The following FLYWCH1 variants were observed in gnomAD, a reference collection of about 807,000 sequenced individuals.
FLYWCH1 encodes the protein FLYWCH-type zinc finger 1.
A neutral mutation model predicts 66.4 loss-of-function variants in FLYWCH1; 75 were observed. The observed-to-expected ratio is 1.13, with a 90% CI of 0.94 to 1.37. The LOEUF is 1.37. Ranked by LOEUF, FLYWCH1 falls within the 40% of genes most tolerant of loss-of-function variation. FLYWCH1 has a pLI of 0.00. For synonymous variants in FLYWCH1, 595 were observed against 429.9 expected (o/e 1.38, Z -4.75); for missense variants, 1,334 against 1,001.8 (o/e 1.33, Z -4.48).
chr16:2,939,424 C>T (rs2071165361), intron 8 of FLYWCH1, among the ~76,000 whole-genome samples: 1 of 146,710 alleles, frequency 6.8e-6, no homozygotes, highest in Non-Finnish European at 1.5e-5. Flanking sequence ...CCACTGCCCT[C>T]CAGCCTGGGC....
chr16:2,948,166 C>T (rs934270495), intron 9 of FLYWCH1, among the ~76,000 whole-genome samples: 6 of 152,112 alleles, frequency 3.9e-5, no homozygotes, highest in Non-Finnish European at 7.4e-5. Flanking sequence ...GTGGTTCTCC[C>T]CCAAACATGC....
intron 9 of FLYWCH1, among the ~76,000 whole-genome samples, chr16:2,947,422 C>CAAT (rs397735821): frequency 6.6e-6 from 1 of 151,852 alleles, no homozygotes; most frequent in African/African-American, 2.4e-5. Context: ...GTACACTTAA[C>CAAT]GGATTTTATG....
At chr16:2,931,498 C>G (rs1031745814) in intron 4 of FLYWCH1, among the ~76,000 whole-genome samples, 2 of 150,956 alleles carry the variant, frequency 1.3e-5, no homozygotes, top group Non-Finnish European at 2.9e-5. Flanking sequence ...TGCCTGTGGT[C>G]TCAGCCACTT....
Position 2,933,407 on chromosome 16 carries a change from T to A in FLYWCH1, c.1074T>A (p.Pro358=). 1 of 1,601,662 alleles carries A rather than the reference T, an allele frequency of 6.2e-7. No homozygotes were observed. Among genetic ancestry groups the A allele is most frequent in the Non-Finnish European group, 8.5e-7 (1 of 1,174,926 alleles). The part of the protein sequence containing the change: ...VETLQAGQDG[P]GSQVDTLLRG... ...CGCTGCAGGCTGGGCAGGACGGCCC[T>A]GGGAGCCAAGTGGACACGCTGCTCC... The change falls in exon 5 of 10, where the codon CCT becomes CCA. Residue 358 remains proline (P), a synonymous_variant. Transcript: ENST00000253928.
Position 2,940,061 on chromosome 16 carries a change from A to T in FLYWCH1, c.2080A>T (p.Thr694Ser), listed in dbSNP as rs200567618. 5,869 of 1,548,690 alleles carry T rather than the reference A, an allele frequency of 3.8e-3. 136 individuals carry two copies. The South Asian group carries it at 0.041, about 11-fold the overall frequency. ...GATTCAAGTTCAGCTGTGCTTCAAG[A>T]CGTGTTCTCCTGAAAGCCAGCAGAT... ...EKIQVQLCFK[T>S]CSPESQQIYG... Residue 694 changes from threonine (T) to serine (S), a missense_variant, in exon 9 of 10, where the codon ACG becomes TCG. Coordinates refer to ENST00000253928, the MANE Select transcript of FLYWCH1 (RefSeq NM_001308068.2).
chr16:2,925,590 C>T (rs1176618006), intron 2 of FLYWCH1, among the ~76,000 whole-genome samples: 1 of 107,336 alleles, frequency 9.3e-6, no homozygotes, highest in Admixed American at 1.0e-4. Context: ...GAGGGGGGTA[C>T]GGGGCTTTCC....
intron 9 of FLYWCH1, among the ~76,000 whole-genome samples, chr16:2,945,075 C>G (rs896697320): frequency 6.6e-5 from 10 of 151,680 alleles, no homozygotes; most frequent in African/African-American, 2.4e-4. Flanking sequence ...CTTGGCCGGG[C>G]ATGGTGGCTC....
At chr16:2,934,411 T>G (rs2070910375) in intron 6 of FLYWCH1, among the ~76,000 whole-genome samples, 2 of 152,210 alleles carry the variant, frequency 1.3e-5, no homozygotes. Context: ...CGGCCCGCTG[T>G]TCCATAGACA....
intron 9 of FLYWCH1, among the ~76,000 whole-genome samples, chr16:2,941,888 G>A (rs969955293): frequency 4.0e-5 from 6 of 150,604 alleles, no homozygotes; most frequent in Admixed American, 2.0e-4. Flanking sequence ...AGGCGTGGTG[G>A]TGGGAGCCTG....
At chr16:2,932,059 C>T (rs1295914165) in intron 4 of FLYWCH1, among the ~76,000 whole-genome samples, 5 of 142,436 alleles carry the variant, frequency 3.5e-5, no homozygotes, top group African/African-American at 1.3e-4. Flanking sequence ...CGGAGCTTGC[C>T]GTGGGCCAAG....
At chr16:2,939,791 T>C (rs1021054437) in intron 8 of FLYWCH1, 20 of 429,742 alleles carry the variant, frequency 4.7e-5, no homozygotes, top group Non-Finnish European at 7.5e-5. Flanking sequence ...CCTTTCATCT[T>C]TGATGTCTAG....
chr16:2,925,428 G>A (rs1319240107), intron 2 of FLYWCH1, among the ~76,000 whole-genome samples: 2 of 142,678 alleles, frequency 1.4e-5, no homozygotes, highest in African/African-American at 2.5e-5. Context: ...GGTCCCACCC[G>A]GTCCCACCCA....
chr16:2,938,014 G>A lies in FLYWCH1; in HGVS notation c.1778-170G>A, dbSNP rs185366836. Among the ~76,000 whole-genome samples, 296 of 152,318 alleles carry A rather than the reference G, an allele frequency of 1.9e-3. 1 individual carries two copies. The highest frequency in any genetic ancestry group is 6.5e-3 in the African/African-American group (272 of 41,572). Reference sequence around the variant, plus strand: ...GAGCCCTTGGAAAGGGCCAGCCAGCGTGGGAGTCTGGGCTGCAGGGCCCAG... The same window carrying A: ...GAGCCCTTGGAAAGGGCCAGCCAGCATGGGAGTCTGGGCTGCAGGGCCCAG... On this transcript the variant is annotated intron_variant, in intron 7 of 9. Coordinates refer to ENST00000253928, the MANE Select transcript of FLYWCH1 (RefSeq NM_001308068.2).
At chr16:2,943,723 G>C (rs141979992) in intron 9 of FLYWCH1, 3 of 152,122 alleles carry the variant, frequency 2.0e-5, no homozygotes, top group Admixed American at 2.0e-4. Flanking sequence ...ATGACCTGAG[G>C]TCAGGCGTTC....
At chr16:2,934,696 C>T (rs1168764621) in intron 6 of FLYWCH1, 1 of 455,988 alleles carries the variant, frequency 2.2e-6, no homozygotes. Flanking sequence ...CTAAAGTTCT[C>T]TCGGACTTGA....
rs1345517748 is a variant in FLYWCH1, at chr16:2,938,218, C to T, written c.1812C>T (p.Ser604=). 1 of 1,613,100 alleles carries T rather than the reference C, an allele frequency of 6.2e-7. No homozygotes were observed. The highest frequency in any genetic ancestry group is 8.5e-7 in the Non-Finnish European group (1 of 1,179,598). Residue 604 remains serine (S), a synonymous_variant, in exon 8 of 10, where the codon TCC becomes TCT. Coordinates refer to ENST00000253928, the MANE Select transcript of FLYWCH1 (RefSeq NM_001308068.2). Reference sequence around the variant, plus strand: ...GGCCCCTGGAGTTCCTGAGGACTTCCCTGGGGGGCAGGTTCCTGGTGCACG... The same window carrying T: ...GGCCCCTGGAGTTCCTGAGGACTTCTCTGGGGGGCAGGTTCCTGGTGCACG... ...PLRPLEFLRT[S]LGGRFLVHES...
At chr16:2,925,474 A>G (rs2070526558) in intron 2 of FLYWCH1, among the ~76,000 whole-genome samples, 1 of 140,946 alleles carries the variant, frequency 7.1e-6, no homozygotes, top group African/African-American at 2.6e-5. Context: ...ACTCATCCCC[A>G]TTCATCCCTG....
At chr16:2,929,584 C>A in intron 2 of FLYWCH1, 29 bp from the exon 3 acceptor site, 1 of 1,415,862 alleles carries the variant, frequency 7.1e-7, no homozygotes, top group Non-Finnish European at 9.4e-7. Context: ...GGGCTTCCAC[C>A]ACTGACGGGA....
chr16:2,934,036 G>C, intron 6 of FLYWCH1, 57 bp downstream of exon 6: 1 of 1,456,774 alleles, frequency 6.9e-7, no homozygotes, highest in Non-Finnish European at 9.0e-7. Flanking sequence ...GCCCCACACT[G>C]CCTTTCCCTC....
Sources: allele counts gnomAD v4.1 joint callset (sites outside exome capture counted in the v4.1 genomes callset), GRCh38; gene constraint gnomAD v4.1.1; transcripts MANE v1.5; gene names NCBI Gene and HGNC (gene_info 2026-07-23, HGNC 2026-07-21).